The following SERHL2 variants were observed in gnomAD, a reference collection of about 807,000 sequenced individuals.
SERHL2 encodes the protein serine hydrolase-like protein 2.
A neutral mutation model predicts 25.5 loss-of-function variants in SERHL2; 29 were observed. That is an observed-to-expected ratio of 1.14 (90% CI 0.85 to 1.55). The LOEUF is 1.55. Among genes scored for constraint, SERHL2 ranks in the 40% most tolerant of loss-of-function variants. SERHL2 has a pLI of 0.00. For missense variants in SERHL2, 240 were observed against 252.3 expected, an observed-to-expected ratio of 0.95 and a Z score of 0.33; for synonymous variants, 95 against 103.5, an observed-to-expected ratio of 0.92 and a Z score of 0.50.
At chr22:42,571,283 G>A (rs1569284352) in intron 10 of SERHL2, 80 bp downstream of exon 10, 3 of 1,595,490 alleles carry the variant, frequency 1.9e-6, no homozygotes, top group Non-Finnish European at 2.6e-6. Flanking sequence ...GCCCTGGCAT[G>A]AGGCTCCAAG....
intron 11 of SERHL2, among the ~76,000 whole-genome samples, chr22:42,572,961 T>C (rs1397636095): frequency 1.3e-5 from 2 of 151,636 alleles, no homozygotes; most frequent in African/African-American, 4.8e-5. Flanking sequence ...GGAGCCACCA[T>C]ACCCGGCCTA....
intron 7 of SERHL2, among the ~76,000 whole-genome samples, chr22:42,559,596 A>AAG (rs1922412438): frequency 6.6e-6 from 1 of 151,632 alleles, no homozygotes; most frequent in Non-Finnish European, 1.5e-5. Flanking sequence ...ATCTATCCAG[A>AAG]AGAGGCGTTA....
chr22:42,573,995 C>A lies in SERHL2; in HGVS notation c.885C>A (p.His295Gln), dbSNP rs143026500. The A allele has an allele frequency of 1.9e-6, 3 of 1,611,126 alleles. No homozygotes were observed. The highest frequency in any genetic ancestry group is 8.5e-7 in the Non-Finnish European group (1 of 1,177,952). Reference sequence around the variant, plus strand: ...GTGTCCACATGAGCGAACCCCAGCACGTGGCCAGTATCATCAGCTCCTTCT... The same window carrying A: ...GTGTCCACATGAGCGAACCCCAGCAAGTGGCCAGTATCATCAGCTCCTTCT... ...NHCVHMSEPQHVASIISSFLQ... is the reference protein window; with the variant it reads ...NHCVHMSEPQQVASIISSFLQ... The change falls in exon 12 of 12, where the codon CAC (histidine) becomes CAA (glutamine). Residue 295 changes from histidine to glutamine, a missense_variant. His to Gln is a conservative substitution (Grantham distance 24). Coordinates refer to ENST00000327678, the MANE Select transcript of SERHL2 (RefSeq NM_014509.5).
In SERHL2 at chr22:42,553,998, A is replaced by G. The variant is rs140910717; in HGVS notation, c.-23A>G. 1,262 of 1,613,422 alleles carry G rather than the reference A, an allele frequency of 7.8e-4. 6 individuals carry two copies. In the Middle Eastern group the frequency reaches 0.014, roughly 18 times the overall value. On this transcript the variant is annotated 5_prime_UTR_variant, in exon 1 of 12. Transcript: ENST00000327678. The stretch of plus-strand genomic sequence containing the variant: ...TAGCCAGGCGTGAGGGAGTGACAGC[A>G]GCGCATTCGCGGGACGAGAGCGATG...
intron 10 of SERHL2, chr22:42,571,590 T>C (rs1487430862): frequency 1.4e-5 from 7 of 495,350 alleles, no homozygotes; most frequent in Non-Finnish European, 1.9e-5. Context: ...CAGGCCTGGC[T>C]TATTTTTGTA....
chr22:42,568,774 C>T (rs142223501), intron 9 of SERHL2, among the ~76,000 whole-genome samples: 22 of 152,014 alleles, frequency 1.4e-4, no homozygotes, highest in Non-Finnish European at 2.4e-4. Flanking sequence ...AGACCAGCCT[C>T]GCCAACATGG....
chr22:42,562,381 G>T (rs1244190446), intron 8 of SERHL2, among the ~76,000 whole-genome samples: 1 of 151,830 alleles, frequency 6.6e-6, no homozygotes, highest in Non-Finnish European at 1.5e-5. Flanking sequence ...CGGAGTTCAG[G>T]GTCCAAGGTC....
In SERHL2 at chr22:42,571,186, C is replaced by A; in HGVS notation, c.714C>A (p.Ala238=). Reference sequence around the variant, plus strand: ...CGCATTCCATCAGGAAGCTGCAGGCCCATGTCCTGTTGATCAAGTAAGTCT... The same window carrying A: ...CGCATTCCATCAGGAAGCTGCAGGCACATGTCCTGTTGATCAAGTAAGTCT... The part of the protein sequence containing the change: ...LCAHSIRKLQ[A]HVLLIKAVHG... Residue 238 remains alanine, a synonymous_variant, in exon 10 of 12, where the codon GCC becomes GCA. Coordinates refer to ENST00000327678, the MANE Select transcript of SERHL2 (RefSeq NM_014509.5). 1.2e-6 allele frequency: 2 copies of A among 1,613,382 alleles called. No individual in the cohort carries two copies. The highest frequency in any genetic ancestry group is 1.7e-6 in the Non-Finnish European group (2 of 1,179,650).
intron 9 of SERHL2, chr22:42,569,556 A>T (rs1170110407): frequency 6.6e-6 from 1 of 151,854 alleles, no homozygotes; most frequent in Non-Finnish European, 1.5e-5. Context: ...GACTGTGCCC[A>T]GTCTAATTTT....
chr22:42,572,884 G>C (rs1601863613), intron 11 of SERHL2: 1 of 261,816 alleles, frequency 3.8e-6, no homozygotes, highest in East Asian at 1.8e-4. Context: ...TGGCCAGGCT[G>C]GTCTCAAACT....
At position 42,560,045 on chromosome 22, in the gene SERHL2, CAG is replaced by C. The variant is rs1922484799; in HGVS notation, c.534-139_534-138del. On this transcript the variant is annotated intron_variant, in intron 7 of 11. Coordinates refer to ENST00000327678, the MANE Select transcript of SERHL2 (RefSeq NM_014509.5). ...CAGGCTGGTCTCAAACTCCTGACCT[CAG>C]ATGATCCGCCCATCTTGTCCTCCCA... 3 of 650,708 alleles carry C rather than the reference CAG, an allele frequency of 4.6e-6. No homozygotes were observed. The South Asian group carries it at 5.3e-5, about 11-fold the overall frequency. The allele number at this position is 650,708 out of a possible 1,614,324, so 40.3% of individuals were successfully genotyped here. A position where few individuals can be genotyped will look rare whatever the true frequency, so the allele number is the denominator to read the frequency against.
At chr22:42,572,823 C>T in intron 11 of SERHL2, 1 of 520,688 alleles carries the variant, frequency 1.9e-6, no homozygotes, top group Non-Finnish European at 2.5e-6. Context: ...TGCCACCATG[C>T]CCAGCTAATT....
intron 1 of SERHL2, among the ~76,000 whole-genome samples, chr22:42,554,525 G>A (rs902924388): frequency 6.6e-6 from 1 of 152,180 alleles, no homozygotes; most frequent in Non-Finnish European, 1.5e-5. Context: ...CTGGCCTTTG[G>A]GAAAGGCTTA....
At chr22:42,573,557 G>T in intron 11 of SERHL2, 1 of 225,344 alleles carries the variant, frequency 4.4e-6, no homozygotes, top group Non-Finnish European at 8.8e-6. Flanking sequence ...ACTGCGCCCG[G>T]CCCTGTCTGG....
At chr22:42,572,900 C>A (rs865830052) in intron 11 of SERHL2, 6 of 209,456 alleles carry the variant, frequency 2.9e-5, no homozygotes, top group African/African-American at 9.4e-5. Context: ...AAACTCCTGA[C>A]CTCAGGTGAT....
chr22:42,565,645 T>C (rs1923278004), intron 8 of SERHL2, among the ~76,000 whole-genome samples: 1 of 151,620 alleles, frequency 6.6e-6, no homozygotes, highest in African/African-American at 2.4e-5. Flanking sequence ...TTTAGTTTTT[T>C]TGTGTAGAGA....
At position 42,561,860 on chromosome 22, in the gene SERHL2, C is replaced by T. The variant is rs539975807; in HGVS notation, c.613+1595C>T. Among the ~76,000 whole-genome samples, 57 of 151,850 alleles carry T rather than the reference C, an allele frequency of 3.8e-4. 1 individual carries two copies. The South Asian group carries it at 0.01, about 27-fold the overall frequency. ...CATGGGGAGGGGAGGTCAAGGACCC[C>T]GGGCCCAGGCTTCCTGGACATGCCT... On this transcript the variant is annotated intron_variant, in intron 8 of 11. Transcript: ENST00000327678.
At chr22:42,570,731 A>G (rs578167521) in intron 9 of SERHL2, among the ~76,000 whole-genome samples, 1 of 152,280 alleles carries the variant, frequency 6.6e-6, no homozygotes, top group South Asian at 2.1e-4. Flanking sequence ...GGCAGGGGAC[A>G]GCGTGAGGTG....
intron 8 of SERHL2, chr22:42,563,429 C>A (rs1308743407): frequency 1.1e-5 from 5 of 442,622 alleles, no homozygotes; most frequent in African/African-American, 2.0e-5. Flanking sequence ...GTCTCGAACT[C>A]CTGAACTCAA....
Sources: gnomAD v4.1 joint callset for allele counts (sites outside exome capture counted in the v4.1 genomes callset) on GRCh38, gnomAD v4.1.1 for gene constraint, MANE v1.5 for transcripts, NCBI Gene and HGNC (gene_info 2026-07-23, HGNC 2026-07-21) for gene names.